TAFA2: variants seen among roughly 807,000 people sequenced by gnomAD.
TAFA2 encodes the protein chemokine-like protein TAFA-2.
TAFA2 carries 7 observed loss-of-function variants against 18.8 expected under a neutral mutation model. The observed-to-expected ratio is 0.37, with a 90% confidence interval of 0.21 to 0.70. The LOEUF (loss-of-function observed/expected upper bound fraction) is 0.70, where lower values mean the gene tolerates loss of function less well. Ranked by LOEUF, TAFA2 falls within the 30% of genes least tolerant of loss-of-function variation. The pLI is 0.53. For synonymous variants in TAFA2, 60 were observed against 54.2 expected (o/e 1.11, Z -0.47); for missense variants, 122 against 158.1 (o/e 0.77, Z 1.23).
At chr12:61,991,317 A>G (rs2136689122) in intron 1 of TAFA2, among the ~76,000 whole-genome samples, 1 of 152,356 alleles carries the variant, frequency 6.6e-6, no homozygotes, top group South Asian at 2.1e-4. Context: ...TAACATGCAG[A>G]TACTTTTCTT....
At chr12:62,105,051 C>CTT (rs886890174) in intron 1 of TAFA2, 2 of 185,202 alleles carry the variant, frequency 1.1e-5, no homozygotes, top group Non-Finnish European at 2.3e-5. Context: ...AAAGGTCTCC[C>CTT]TTTTTTTTGT....
intron 1 of TAFA2, among the ~76,000 whole-genome samples, chr12:62,222,105 T>C (rs1333491614): frequency 2.0e-5 from 3 of 152,160 alleles, no homozygotes; most frequent in Non-Finnish European, 1.5e-5. Context: ...GTTTCTGTGA[T>C]AGAGGGGTGA....
chr12:62,101,085 T>A (rs1485419725), intron 1 of TAFA2, among the ~76,000 whole-genome samples: 1 of 150,882 alleles, frequency 6.6e-6, no homozygotes, highest in Non-Finnish European at 1.5e-5. Flanking sequence ...ATGGCCTAGG[T>A]TAGTAGATTA....
intron 4 of TAFA2, among the ~76,000 whole-genome samples, chr12:61,728,048 T>TC (rs1870257147): frequency 7.0e-6 from 1 of 143,452 alleles, no homozygotes; most frequent in Admixed American, 7.1e-5. Context: ...TTTTTTTTTT[T>TC]CAGTCGATGT....
intron 2 of TAFA2, among the ~76,000 whole-genome samples, chr12:61,758,537 G>T (rs1302793308): frequency 6.6e-6 from 1 of 151,864 alleles, no homozygotes; most frequent in African/African-American, 2.4e-5. Context: ...GAGTGGATTC[G>T]GTGGTGAGAA....
At chr12:61,810,437 AGACAATAT>A (rs1871819049) in intron 2 of TAFA2, among the ~76,000 whole-genome samples, 1 of 151,422 alleles carries the variant, frequency 6.6e-6, no homozygotes, top group Non-Finnish European at 1.5e-5. Context: ...TAAATAAAGA[AGACAATAT>A]GAGGAAAAGC....
At chr12:61,801,608 T>G (rs575783177) in intron 2 of TAFA2, among the ~76,000 whole-genome samples, 1 of 152,174 alleles carries the variant, frequency 6.6e-6, no homozygotes, top group East Asian at 1.9e-4. Context: ...AAAAATCTAC[T>G]CAGTGTGGAT....
chr12:62,057,189 T>C (rs936858514), intron 1 of TAFA2, among the ~76,000 whole-genome samples: 3 of 152,252 alleles, frequency 2.0e-5, no homozygotes, highest in African/African-American at 7.2e-5. Context: ...CTATTTCTTC[T>C]TGAATTTTGG....
At chr12:61,897,873 A>G (rs1024479807) in intron 1 of TAFA2, among the ~76,000 whole-genome samples, 1 of 152,230 alleles carries the variant, frequency 6.6e-6, no homozygotes, top group African/African-American at 2.4e-5. Flanking sequence ...CTCCAAGTCA[A>G]AAGTCTCATC....
At chr12:61,726,790 C>A (rs1022361423) in intron 4 of TAFA2, among the ~76,000 whole-genome samples, 1 of 151,924 alleles carries the variant, frequency 6.6e-6, no homozygotes, top group Admixed American at 6.6e-5. Flanking sequence ...AGTGGACATC[C>A]TTGTCTTGTT....
intron 4 of TAFA2, among the ~76,000 whole-genome samples, chr12:61,743,711 A>C (rs1209968728): frequency 6.6e-6 from 1 of 152,116 alleles, no homozygotes; most frequent in Non-Finnish European, 1.5e-5. Context: ...ACTTGTGGGA[A>C]CATTATGTGT....
At chr12:61,811,387 A>G (rs1871862949) in intron 2 of TAFA2, among the ~76,000 whole-genome samples, 1 of 151,452 alleles carries the variant, frequency 6.6e-6, no homozygotes, top group African/African-American at 2.5e-5. Flanking sequence ...TTATTGTGTG[A>G]TTAGTGAATT....
intron 4 of TAFA2, among the ~76,000 whole-genome samples, chr12:61,733,716 AG>A (rs1440660769): frequency 1.3e-5 from 2 of 151,756 alleles, no homozygotes; most frequent in African/African-American, 4.8e-5. Flanking sequence ...TGATGCCTCC[AG>A]CTTTGTTCTT....
intron 1 of TAFA2, among the ~76,000 whole-genome samples, chr12:61,913,387 T>G (rs1046689667): frequency 3.3e-5 from 5 of 152,240 alleles, no homozygotes; most frequent in African/African-American, 9.6e-5. Context: ...GGATATGTGT[T>G]ATGATACCCA....
chr12:62,147,316 GTGTATGTATGTATA>G (rs1178324367), intron 1 of TAFA2, among the ~76,000 whole-genome samples: 1,748 of 45,130 alleles, frequency 0.039, 62 homozygotes, highest in Middle Eastern at 0.058. Flanking sequence ...GTGTGTGTGT[GTGTATGTATGTATA>G]TATATATATA....
At chr12:61,759,217 AC>A (rs1009185313) in intron 2 of TAFA2, among the ~76,000 whole-genome samples, 5 of 152,214 alleles carry the variant, frequency 3.3e-5, no homozygotes, top group African/African-American at 1.2e-4. Context: ...GGACAAAGTA[AC>A]TGTGGCATTC....
intron 1 of TAFA2, among the ~76,000 whole-genome samples, chr12:62,095,679 G>A (rs1245513831): frequency 6.6e-6 from 1 of 152,088 alleles, no homozygotes; most frequent in African/African-American, 2.4e-5. Flanking sequence ...AACTTTGAGT[G>A]AGCCTCTGAA....
chr12:61,834,355 C>T (rs1872834609), intron 2 of TAFA2, among the ~76,000 whole-genome samples: 1 of 152,056 alleles, frequency 6.6e-6, no homozygotes, highest in Non-Finnish European at 1.5e-5. Context: ...GCTGTTGCCA[C>T]TTGCTGTTGG....
intron 1 of TAFA2, among the ~76,000 whole-genome samples, chr12:61,905,676 A>G (rs535247647): frequency 6.6e-6 from 1 of 152,184 alleles, no homozygotes; most frequent in Non-Finnish European, 1.5e-5. Flanking sequence ...CTCATATCCA[A>G]TTAGTCTCAA....
Sources: allele counts gnomAD v4.1 joint callset (sites outside exome capture counted in the v4.1 genomes callset), GRCh38; gene constraint gnomAD v4.1.1; transcripts MANE v1.5; gene names NCBI Gene and HGNC (gene_info 2026-07-23, HGNC 2026-07-21).